ARHGEF7: variants seen among roughly 807,000 people sequenced by gnomAD.
The protein encoded by ARHGEF7 is PAK-interacting exchange factor beta.
In ARHGEF7, 33 loss-of-function variants were observed where a neutral mutation model predicts 109.8. The observed-to-expected ratio is 0.30, with a 90% CI of 0.23 to 0.40. The LOEUF (loss-of-function observed/expected upper bound fraction) is 0.40. ARHGEF7 is among the 10% of genes least tolerant of loss of function. The probability of loss-of-function intolerance (pLI) is 1.00; values close to 1 mark genes in which losing one functional copy is unlikely to be tolerated. For missense variants in ARHGEF7, 938 were observed against 1,098.5 expected (o/e 0.85, Z 2.07); for synonymous variants, 458 against 424.6 (o/e 1.08, Z -0.97).
rs759026872 is a variant in ARHGEF7 at position 111,292,111 on chromosome 13, G to T, written c.2135-7G>T. The T allele has an allele frequency of 6.2e-7, 1 of 1,611,338 alleles. No homozygotes were observed. The highest frequency in any genetic ancestry group is 8.5e-7 in the Non-Finnish European group (1 of 1,179,212). On this transcript the variant is annotated splice_region_variant and splice_polypyrimidine_tract_variant and intron_variant, in intron 18 of 21. Transcript: ENST00000646102. ...GTCGCGCCTGTCCCTCCGCCCGCCC[G>T]TCTTAGCATGGCAAGGCACTGACCT...
intron 5 of ARHGEF7, among the ~76,000 whole-genome samples, chr13:111,221,687 A>G (rs1594888698): frequency 7.8e-6 from 1 of 128,478 alleles, no homozygotes; most frequent in African/African-American, 2.8e-5. Flanking sequence ...TCCCCTTAAT[A>G]AACCCCTTGA....
At chr13:111,177,529 G>A (rs1200442750) in intron 2 of ARHGEF7, among the ~76,000 whole-genome samples, 3 of 152,180 alleles carry the variant, frequency 2.0e-5, no homozygotes, top group Admixed American at 1.3e-4. Context: ...CCCTGAGAAT[G>A]TGTTCTCAGT....
At chr13:111,207,731 C>A (rs2082060934) in intron 3 of ARHGEF7, among the ~76,000 whole-genome samples, 1 of 152,168 alleles carries the variant, frequency 6.6e-6, no homozygotes, top group African/African-American at 2.4e-5. Flanking sequence ...GGATTGTCAA[C>A]CATCTAGGTT....
chr13:111,232,988 G>A (rs761506473), intron 5 of ARHGEF7, among the ~76,000 whole-genome samples: 9 of 152,134 alleles, frequency 5.9e-5, no homozygotes, highest in Non-Finnish European at 1.2e-4. Context: ...AGAACAGGGT[G>A]GGGATGGGGT....
intron 8 of ARHGEF7, among the ~76,000 whole-genome samples, chr13:111,256,239 T>C (rs2090408508): frequency 6.6e-6 from 1 of 152,158 alleles, no homozygotes; most frequent in African/African-American, 2.4e-5. Flanking sequence ...GATGGAGAAA[T>C]AGACCAAACG....
At chr13:111,148,778 C>T (rs1381278964) in intron 1 of ARHGEF7, among the ~76,000 whole-genome samples, 1 of 152,154 alleles carries the variant, frequency 6.6e-6, no homozygotes, top group Non-Finnish European at 1.5e-5. Flanking sequence ...TGAAATGTTG[C>T]TACTCAGGGG....
At position 111,258,657 on chromosome 13, in the gene ARHGEF7, A is replaced by T. The variant is rs1231358658; in HGVS notation, c.951-8891A>T. Reference sequence around the variant, plus strand: ...TGGCTTCAAATGTGACCCAGAGCACATTCCCAGCTGTGGTGGCTACAGGGA... The same window carrying T: ...TGGCTTCAAATGTGACCCAGAGCACTTTCCCAGCTGTGGTGGCTACAGGGA... On this transcript the variant is annotated intron_variant, in intron 8 of 21. Transcript: ENST00000646102. This position sits in a 1 kb window ranked among gnomAD's most constrained non-coding sequence, Gnocchi z 4.4. 6.6e-6 allele frequency among the ~76,000 whole-genome samples: 1 copy of T among 152,160 alleles called. No homozygotes were observed. The highest frequency in any genetic ancestry group is 1.5e-5 in the Non-Finnish European group (1 of 68,032).
intron 1 of ARHGEF7, chr13:111,153,668 T>C (rs2076041347): frequency 8.0e-7 from 1 of 1,243,578 alleles, no homozygotes; most frequent in East Asian, 3.7e-5. Flanking sequence ...CGGGGCTCAC[T>C]TCCTGGTGCG....
chr13:111,237,010 C>T (rs1263213896), intron 6 of ARHGEF7, among the ~76,000 whole-genome samples: 2 of 152,150 alleles, frequency 1.3e-5, no homozygotes. Flanking sequence ...TCACTCTTGC[C>T]AGTGATCTGT....
At chr13:111,123,360 G>C (rs1336915882) in intron 1 of ARHGEF7, among the ~76,000 whole-genome samples, 13 of 152,178 alleles carry the variant, frequency 8.5e-5, no homozygotes. Context: ...ACATTGAAGA[G>C]AGCCCAGCCA....
In ARHGEF7 at chr13:111,303,133, C is replaced by T; in HGVS notation, c.*20C>T. On this transcript the variant is annotated 3_prime_UTR_variant, in exon 22 of 22. Coordinates refer to ENST00000646102, the MANE Select transcript of ARHGEF7 (RefSeq NM_001354046.2). ...CTATAAGGGATGTCCTCAGTTCTTTCTGTTGAAGACCAGTTCTGAGGTGAA... is the reference window on the plus strand; with the variant it reads ...CTATAAGGGATGTCCTCAGTTCTTTTTGTTGAAGACCAGTTCTGAGGTGAA... The T allele has an allele frequency of 6.5e-7, 1 of 1,534,248 alleles. No homozygotes were observed. The highest frequency in any genetic ancestry group is 1.4e-5 in the African/African-American group (1 of 72,734).
At position 111,220,574 on chromosome 13, in the gene ARHGEF7, G is replaced by C. The variant is rs563552631; in HGVS notation, c.670+2694G>C. On this transcript the variant is annotated intron_variant, in intron 5 of 21. Coordinates refer to ENST00000646102, the MANE Select transcript of ARHGEF7 (RefSeq NM_001354046.2). ...TGATTTTCAGACACATTTGAATGTC[G>C]TCAGTGTCATCTGCCGTGGGAATTT... Among the ~76,000 whole-genome samples the C allele has an allele frequency of 2.6e-5, 4 of 152,234 alleles. No individual in the cohort carries two copies. In the East Asian group the frequency reaches 5.8e-4, roughly 22 times the overall value.
rs76352014 is a variant in ARHGEF7, at chr13:111,244,514, A to G, written c.950+220A>G. ...GAAAGACTCAAGAATGGTGATTTTT[A>G]AGGTGTTCCATGGAGGAAGAGTCGG... On this transcript the variant is annotated intron_variant, in intron 8 of 21. Coordinates refer to ENST00000646102, the MANE Select transcript of ARHGEF7 (RefSeq NM_001354046.2). Among the ~76,000 whole-genome samples, 1,480 of 152,312 alleles carry G rather than the reference A, an allele frequency of 9.7e-3. 20 individuals carry two copies. The highest frequency in any genetic ancestry group is 0.033 in the African/African-American group (1,383 of 41,554).
At chr13:111,126,705 A>C (rs2067586231) in intron 1 of ARHGEF7, among the ~76,000 whole-genome samples, 1 of 152,210 alleles carries the variant, frequency 6.6e-6, no homozygotes, top group Non-Finnish European at 1.5e-5. Context: ...CCCTAGATTG[A>C]ATCTGAGTAA....
At chr13:111,133,343 T>A (rs2074883109) in intron 1 of ARHGEF7, among the ~76,000 whole-genome samples, 1 of 152,244 alleles carries the variant, frequency 6.6e-6, no homozygotes, top group South Asian at 2.1e-4. Context: ...GACATACACA[T>A]GCACACACAT....
At chr13:111,179,141 C>T (rs2078479802) in intron 2 of ARHGEF7, among the ~76,000 whole-genome samples, 1 of 150,918 alleles carries the variant, frequency 6.6e-6, no homozygotes. Flanking sequence ...TGCAGTAGTG[C>T]AACCTCAACT....
At chr13:111,183,069 G>A (rs183880607) in intron 2 of ARHGEF7, among the ~76,000 whole-genome samples, 1 of 152,194 alleles carries the variant, frequency 6.6e-6, no homozygotes, top group Non-Finnish European at 1.5e-5. Flanking sequence ...TCAGTTTACA[G>A]TGGGTTTAAC....
intron 2 of ARHGEF7, among the ~76,000 whole-genome samples, chr13:111,170,222 C>CAAGTAGCT (rs2077472811): frequency 8.1e-6 from 1 of 124,048 alleles, no homozygotes; most frequent in Non-Finnish European, 1.8e-5. Context: ...CTCAACCTCT[C>CAAGTAGCT]GAGTAGCTGA....
intron 8 of ARHGEF7, among the ~76,000 whole-genome samples, chr13:111,254,095 A>G (rs1269907807): frequency 2.6e-5 from 4 of 152,234 alleles, no homozygotes; most frequent in African/African-American, 9.6e-5. Context: ...CTATTAGTTT[A>G]GAGGGCAAGG....
Sources: gnomAD v4.1 joint callset for allele counts (sites outside exome capture counted in the v4.1 genomes callset) on GRCh38, gnomAD v4.1.1 for gene constraint, Gnocchi (gnomAD v3.1) non-coding constraint, MANE v1.5 for transcripts, NCBI Gene and HGNC (gene_info 2026-07-23, HGNC 2026-07-21) for gene names.